CNTN5: variants seen among roughly 807,000 people sequenced by gnomAD.
CNTN5 encodes contactin-5.
Under a neutral mutation model 129.1 loss-of-function variants are expected in CNTN5, and 77 were observed. The observed-to-expected ratio is 0.60, with a 90% CI of 0.50 to 0.72. CNTN5 has a LOEUF of 0.72. Ranked by LOEUF, CNTN5 falls within the 30% of genes least tolerant of loss-of-function variation. The pLI, the probability that CNTN5 is intolerant of heterozygous loss-of-function variation, is 0.00. For missense variants in CNTN5, 1,478 were observed against 1,328.8 expected (o/e 1.11, Z -1.75); for synonymous variants, 509 against 465.6 (o/e 1.09, Z -1.20).
Position 99,082,292 on chromosome 11 carries a change from TCTC to T in CNTN5, c.-210+61025_-210+61027del, listed in dbSNP as rs949566556. On this transcript the variant is annotated intron_variant, in intron 1 of 24. Coordinates refer to ENST00000524871, the MANE Select transcript of CNTN5 (RefSeq NM_014361.4). ...CCTCCGCCTCCTGGGTTCAAGCTAT[TCTC>T]CTGCCTCAGGCTGTGAGTAGCTGGG... 3.3e-5 allele frequency among the ~76,000 whole-genome samples: 5 copies of T among 152,014 alleles called. 1 individual carries two copies. Among genetic ancestry groups the T allele is most frequent in the East Asian group, 1.9e-4 (1 of 5,132 alleles).
chr11:100,215,906 C>G (rs928962930), intron 15 of CNTN5, among the ~76,000 whole-genome samples: 1 of 152,094 alleles, frequency 6.6e-6, no homozygotes, highest in African/African-American at 2.4e-5. Context: ...ACAGGTGGAG[C>G]TCTTCTAGTT....
At chr11:99,469,164 G>T (rs1193421925) in intron 2 of CNTN5, among the ~76,000 whole-genome samples, 1 of 152,030 alleles carries the variant, frequency 6.6e-6, no homozygotes, top group East Asian at 1.9e-4. Context: ...AGATAGAAAT[G>T]ACCATATTTA....
intron 21 of CNTN5, among the ~76,000 whole-genome samples, chr11:100,316,528 A>G (rs1330195539): frequency 6.6e-6 from 1 of 152,218 alleles, no homozygotes; most frequent in Non-Finnish European, 1.5e-5. Context: ...ATCTGTGCCA[A>G]TGCCTTACAT....
rs76384623 is a variant in CNTN5 at position 99,435,146 on chromosome 11, T to C, written c.-71+109662T>C. Reference sequence around the variant, plus strand: ...CCTGAAATGTAATATCACAACATGATATTGGGAGGACAAATATATTCTTCT... The same window carrying C: ...CCTGAAATGTAATATCACAACATGACATTGGGAGGACAAATATATTCTTCT... On this transcript the variant is annotated intron_variant, in intron 2 of 24. Transcript: ENST00000524871. Among the ~76,000 whole-genome samples the C allele has an allele frequency of 1.4e-3, 219 of 152,232 alleles. 9 individuals carry two copies. The East Asian group carries it at 0.039, about 27-fold the overall frequency.
At chr11:99,597,496 CTATT>C (rs1329821090) in intron 3 of CNTN5, among the ~76,000 whole-genome samples, 3 of 130,186 alleles carry the variant, frequency 2.3e-5, no homozygotes, top group Admixed American at 1.7e-4. Context: ...AGTGGAAACT[CTATT>C]TATGTTTAAG....
At chr11:99,966,000 G>T (rs1035595403) in intron 8 of CNTN5, among the ~76,000 whole-genome samples, 2 of 152,044 alleles carry the variant, frequency 1.3e-5, no homozygotes, top group Non-Finnish European at 2.9e-5. Flanking sequence ...ATTCCTGCTG[G>T]GTTTTAGAAA....
chr11:100,042,173 T>C (rs577415260), intron 9 of CNTN5, among the ~76,000 whole-genome samples: 1 of 152,092 alleles, frequency 6.6e-6, no homozygotes, highest in East Asian at 1.9e-4. Flanking sequence ...AGTTTTTGTG[T>C]ATTATGTAGA....
At chr11:100,196,518 T>A (rs757562415) in intron 15 of CNTN5, among the ~76,000 whole-genome samples, 1 of 152,020 alleles carries the variant, frequency 6.6e-6, no homozygotes, top group Non-Finnish European at 1.5e-5. Flanking sequence ...ACAATGCACA[T>A]TTTTATGTTT....
At chr11:100,033,674 C>A (rs1465410496) in intron 9 of CNTN5, among the ~76,000 whole-genome samples, 1 of 152,186 alleles carries the variant, frequency 6.6e-6, no homozygotes, top group African/African-American at 2.4e-5. Context: ...TGCCTCTACT[C>A]AAGGTGCTTA....
At chr11:100,008,338 T>C (rs1172479964) in intron 9 of CNTN5, among the ~76,000 whole-genome samples, 1 of 152,034 alleles carries the variant, frequency 6.6e-6, no homozygotes, top group African/African-American at 2.4e-5. Flanking sequence ...TAAAGTGAAG[T>C]GCAATAAAAT....
chr11:100,163,323 GT>G (rs949723055), intron 13 of CNTN5, among the ~76,000 whole-genome samples: 19 of 151,454 alleles, frequency 1.3e-4, no homozygotes, highest in Admixed American at 2.6e-4. Flanking sequence ...ACTTGTTTAT[GT>G]TTTTTTCTGT....
intron 9 of CNTN5, among the ~76,000 whole-genome samples, chr11:100,004,249 C>T (rs185364554): frequency 7.9e-5 from 12 of 152,278 alleles, no homozygotes; most frequent in Admixed American, 6.5e-4. Flanking sequence ...CCTAACCAAA[C>T]ATTCCTTGTA....
chr11:99,850,221 C>G (rs1167854409), intron 6 of CNTN5, among the ~76,000 whole-genome samples: 9 of 151,924 alleles, frequency 5.9e-5, no homozygotes. Flanking sequence ...CATATTTTTT[C>G]TTTTAATAAA....
intron 1 of CNTN5, among the ~76,000 whole-genome samples, chr11:99,084,400 A>G (rs774974318): frequency 1.3e-5 from 2 of 152,150 alleles, no homozygotes; most frequent in Admixed American, 1.3e-4. Flanking sequence ...GATTATTTTT[A>G]ATGTTTCCCA....
chr11:99,790,121 T>C (rs1016926503), intron 3 of CNTN5, among the ~76,000 whole-genome samples: 1 of 152,008 alleles, frequency 6.6e-6, no homozygotes, highest in Admixed American at 6.6e-5. Context: ...AAAGACATGA[T>C]TTCATTATTT....
At chr11:99,491,708 C>G (rs1004384130) in intron 2 of CNTN5, among the ~76,000 whole-genome samples, 3 of 152,150 alleles carry the variant, frequency 2.0e-5, no homozygotes, top group Non-Finnish European at 4.4e-5. Flanking sequence ...AGTTATCTAA[C>G]TATTAGGCTG....
At chr11:99,893,004 T>C (rs1949105586) in intron 6 of CNTN5, among the ~76,000 whole-genome samples, 1 of 152,132 alleles carries the variant, frequency 6.6e-6, no homozygotes, top group Non-Finnish European at 1.5e-5. Flanking sequence ...TGCATGAGCA[T>C]TAAGTGCTCT....
intron 2 of CNTN5, among the ~76,000 whole-genome samples, chr11:99,451,365 G>A (rs1338963992): frequency 6.6e-6 from 1 of 151,990 alleles, no homozygotes; most frequent in East Asian, 1.9e-4. Context: ...CTAAGAACTA[G>A]GGAGGGGCAA....
intron 2 of CNTN5, among the ~76,000 whole-genome samples, chr11:99,404,222 C>T (rs753697499): frequency 3.3e-5 from 5 of 150,710 alleles, no homozygotes; most frequent in Admixed American, 6.6e-5. Context: ...TTTTTTCATC[C>T]GTTTATTTTC....
Sources: gnomAD v4.1 joint callset for allele counts (sites outside exome capture counted in the v4.1 genomes callset) on GRCh38, gnomAD v4.1.1 for gene constraint, MANE v1.5 for transcripts, NCBI Gene and HGNC (gene_info 2026-07-23, HGNC 2026-07-21) for gene names.